The following TRPM4 variants were observed in gnomAD, a reference collection of about 807,000 sequenced individuals.
The protein encoded by TRPM4 is transient receptor potential cation channel subfamily M member 4.
TRPM4 carries 124 observed loss-of-function variants against 135.6 expected under a neutral mutation model. The observed-to-expected ratio is 0.91, with a 90% CI of 0.79 to 1.06. The LOEUF is 1.06. Ranked by LOEUF, TRPM4 falls within the 50% of genes least tolerant of loss-of-function variation. The pLI is 0.00. For missense variants in TRPM4, 1,658 were observed against 1,671.4 expected (o/e 0.99, Z 0.14); for synonymous variants, 745 against 705.6 (o/e 1.06, Z -0.88).
chr19:49,164,354 TC>T (rs1967085777), intron 2 of TRPM4, among the ~76,000 whole-genome samples: 1 of 124,724 alleles, frequency 8.0e-6, no homozygotes, highest in South Asian at 3.1e-4. Flanking sequence ...CTCCTTCCTT[TC>T]TTTCCTTAGT....
chr19:49,208,436 CA>C (rs1969230456), intron 20 of TRPM4, among the ~76,000 whole-genome samples: 4 of 152,242 alleles, frequency 2.6e-5, no homozygotes, highest in African/African-American at 9.6e-5. Flanking sequence ...GGAATCTTCC[CA>C]GATGCTGGCG....
intron 9 of TRPM4, among the ~76,000 whole-genome samples, chr19:49,173,863 T>C (rs1967570191): frequency 6.6e-6 from 1 of 151,644 alleles, no homozygotes; most frequent in Admixed American, 6.6e-5. Flanking sequence ...ACAGACGAGG[T>C]CTTGCTCTGT....
At chr19:49,179,539 G>A (rs1967835385) in intron 9 of TRPM4, among the ~76,000 whole-genome samples, 1 of 152,040 alleles carries the variant, frequency 6.6e-6, no homozygotes, top group South Asian at 2.1e-4. Flanking sequence ...TAGTAGAGAT[G>A]GGGTTTCACC....
At chr19:49,192,673 T>C (rs1301874641) in intron 16 of TRPM4, among the ~76,000 whole-genome samples, 1 of 151,916 alleles carries the variant, frequency 6.6e-6, no homozygotes, top group Non-Finnish European at 1.5e-5. Flanking sequence ...TTGGGGCCTA[T>C]TGGAGGACAG....
At chr19:49,162,981 C>T (rs1967024236) in intron 2 of TRPM4, among the ~76,000 whole-genome samples, 1 of 151,952 alleles carries the variant, frequency 6.6e-6, no homozygotes, top group African/African-American at 2.4e-5. Flanking sequence ...AGGCTGGTCT[C>T]AAAGTCCTGA....
At chr19:49,169,263 C>T (rs1967358545) in intron 6 of TRPM4, among the ~76,000 whole-genome samples, 1 of 150,018 alleles carries the variant, frequency 6.7e-6, no homozygotes, top group South Asian at 2.2e-4. Flanking sequence ...CGAAGGTGGA[C>T]AGCTTGATGC....
Position 49,190,207 on chromosome 19 carries a change from G to A in TRPM4, c.2020-1G>A. 6.2e-7 allele frequency: 1 copy of A among 1,613,202 alleles called. No individual in the cohort carries two copies. ...ATCCTAATCCTTCCCACCCCCCACA[G>A]TCTCTGCTGACACAGAAGTGGTGGG... On this transcript the variant is annotated splice_acceptor_variant, in intron 14 of 24. Transcript: ENST00000252826. LOFTEE classifies it high-confidence loss of function.
intron 9 of TRPM4, among the ~76,000 whole-genome samples, chr19:49,172,667 G>A (rs1000878003): frequency 1.4e-5 from 2 of 142,210 alleles, no homozygotes; most frequent in East Asian, 2.1e-4. Context: ...CACATCCACC[G>A]AAAATTCCTG....
chr19:49,198,666 A>C lies in TRPM4; in HGVS notation c.2646-1634A>C, dbSNP rs1038729543. Among the ~76,000 whole-genome samples the C allele has an allele frequency of 8.8e-4, 134 of 151,652 alleles. 2 individuals carry two copies. The highest frequency in any genetic ancestry group is 7.2e-3 in the Admixed American group (109 of 15,204). ...TCTGTCAAAAAAAAAAAAAAAAAAA[A>C]AAGGGAGAAATGTCTAATCATCTCC... On this transcript the variant is annotated intron_variant, in intron 17 of 24. Transcript: ENST00000252826.
At chr19:49,173,710 T>G (rs1189300735) in intron 9 of TRPM4, among the ~76,000 whole-genome samples, 2 of 151,936 alleles carry the variant, frequency 1.3e-5, no homozygotes, top group East Asian at 3.9e-4. Context: ...CAAGCTGGAG[T>G]ATAGTGGTGT....
intron 12 of TRPM4, among the ~76,000 whole-genome samples, chr19:49,185,157 C>CT (rs903141318): frequency 1.3e-5 from 2 of 152,016 alleles, no homozygotes; most frequent in African/African-American, 4.8e-5. Flanking sequence ...AGTTCAGTGT[C>CT]TGAGTTTCCT....
intron 20 of TRPM4, among the ~76,000 whole-genome samples, chr19:49,209,034 T>A (rs1600539678): frequency 6.6e-6 from 1 of 152,286 alleles, no homozygotes; most frequent in Middle Eastern, 3.4e-3. Context: ...GAAGATCATA[T>A]GGCTTCCCCC....
chr19:49,188,965 T>C lies in TRPM4; in HGVS notation c.1893T>C (p.Tyr631=), dbSNP rs765927799. 48 of 1,614,062 alleles carry C rather than the reference T, an allele frequency of 3.0e-5. No individual in the cohort carries two copies. Among genetic ancestry groups the C allele is most frequent in the Non-Finnish European group, 3.7e-5 (44 of 1,180,046 alleles). ...GMGVDLFGEC[Y]RSSEVRAARL... is the part of the protein sequence containing the mutation. ...CCCCAGACCTCTTTGGCGAGTGCTA[T>C]CGCAGCAGTGAGGTGAGGGCTGCCC... is the stretch of plus-strand genomic sequence containing the variant. Residue 631 remains tyrosine (Y), a synonymous_variant, in exon 14 of 25, where the codon TAT becomes TAC. Coordinates refer to ENST00000252826, the MANE Select transcript of TRPM4 (RefSeq NM_017636.4).
Position 49,168,397 on chromosome 19 carries a change from AATAGAG to A in TRPM4, c.588_593del (p.Arg197_Asp198del). The A allele has an allele frequency of 6.2e-7, 1 of 1,613,928 alleles. No homozygotes were observed. ...TGTGGCCCCCTGGGGTGTGGTCCGG[AATAGAG>A]ACACCCTCATCAACCCCAAGGTGTG... On this transcript the variant is annotated inframe_deletion, in exon 5 of 25. Transcript: ENST00000252826.
At position 49,171,596 on chromosome 19, in the gene TRPM4, C is replaced by G; in HGVS notation, c.877C>G (p.Gln293Glu). 6.2e-7 allele frequency: 1 copy of G among 1,614,056 alleles called. No homozygotes were observed. The highest frequency in any genetic ancestry group is 8.5e-7 in the Non-Finnish European group (1 of 1,180,014). Residue 293 changes from glutamine (Q) to glutamate (E), a missense_variant, in exon 8 of 25, where the codon CAG becomes GAG. By Grantham distance (29) the Gln-to-Glu change is conservative. This residue lies in a region of TRPM4 where 1,412 missense variants were observed against 1,408.7 expected (regional missense o/e 1.00). Transcript: ENST00000252826. This position sits in a 1 kb window ranked among gnomAD's most constrained non-coding sequence, Gnocchi z 4.7. ...CCTGTAGCGAATAGAGAACGCCACCCAGGCTCAGCTCCCATGTCTCCTCGT... is the reference window on the plus strand; with the variant it reads ...CCTGTAGCGAATAGAGAACGCCACCGAGGCTCAGCTCCCATGTCTCCTCGT... The part of the protein sequence containing the change: ...KMLTRIENAT[Q>E]AQLPCLLVAG...
At position 49,182,746 on chromosome 19, in the gene TRPM4, G is replaced by A; in HGVS notation, c.1432G>A (p.Asp478Asn). 1 of 1,614,102 alleles carries A rather than the reference G, an allele frequency of 6.2e-7. No homozygotes were observed. The highest frequency in any genetic ancestry group is 8.5e-7 in the Non-Finnish European group (1 of 1,179,984). ...CAACTCGCTCATCCGCAACCTTTTG[G>A]ACCAGGCGTCCCACAGCGCAGGCAC... is the stretch of plus-strand genomic sequence containing the variant. ...PSNSLIRNLLDQASHSAGTKA... is the reference protein window; with the variant it reads ...PSNSLIRNLLNQASHSAGTKA... The change falls in exon 11 of 25, where the codon GAC (aspartate) becomes AAC (asparagine). Residue 478 changes from aspartate (D) to asparagine (N), a missense_variant. By Grantham distance (23) the Asp-to-Asn change is conservative. Around this residue, in one of 3 missense-constraint regions of TRPM4, gnomAD observed 1,412 missense variants for 1,408.7 expected, o/e 1.00. Coordinates refer to ENST00000252826, the MANE Select transcript of TRPM4 (RefSeq NM_017636.4).
At chr19:49,209,839 C>T (rs917665600) in intron 20 of TRPM4, among the ~76,000 whole-genome samples, 5 of 150,840 alleles carry the variant, frequency 3.3e-5, no homozygotes, top group Non-Finnish European at 5.9e-5. Flanking sequence ...ACCTCCACCT[C>T]CTGGGTTCAA....
At chr19:49,204,865 A>ATT (rs764647375) in intron 20 of TRPM4, among the ~76,000 whole-genome samples, 4 of 104,428 alleles carry the variant, frequency 3.8e-5, no homozygotes, top group African/African-American at 7.1e-5. Context: ...CCCAGCGGCT[A>ATT]TTTTTTTTTT....
chr19:49,182,206 A>G (rs539475654), intron 10 of TRPM4, among the ~76,000 whole-genome samples: 2 of 68,936 alleles, frequency 2.9e-5, no homozygotes, highest in Admixed American at 2.3e-4. Flanking sequence ...CCATCCATCT[A>G]CCTATCCATT....
Sources: gnomAD v4.1 joint callset for allele counts (sites outside exome capture counted in the v4.1 genomes callset) on GRCh38, gnomAD v4.1.1 for gene constraint, gnomAD v4.1.1 regional missense constraint, Gnocchi (gnomAD v3.1) non-coding constraint, MANE v1.5 for transcripts, NCBI Gene and HGNC (gene_info 2026-07-23, HGNC 2026-07-21) for gene names.